The following NPHS2 variants were observed in gnomAD, a reference collection of about 807,000 sequenced individuals.
The protein encoded by NPHS2 is NPHS2 stomatin family member, podocin.
A neutral mutation model predicts 37.1 loss-of-function variants in NPHS2; 36 were observed. That is an observed-to-expected ratio of 0.97 (90% CI 0.74 to 1.28). The LOEUF is 1.28. Among genes scored for constraint, NPHS2 ranks in the 50% most tolerant of loss-of-function variants. NPHS2 has a pLI of 0.00. For missense variants in NPHS2, 447 were observed against 488.1 expected, an observed-to-expected ratio of 0.92 and a Z score of 0.79; for synonymous variants, 196 against 189.3, an observed-to-expected ratio of 1.04 and a Z score of -0.29.
At chr1:179,552,194 G>T in intron 7 of NPHS2, 1 of 244,496 alleles carries the variant, frequency 4.1e-6, no homozygotes, top group South Asian at 6.0e-5. Context: ...GAGGGAACTG[G>T]GCCCTGATCG....
chr1:179,550,736 C>A lies in NPHS2; in HGVS notation c.*437G>T, dbSNP rs78606873. Reference sequence around the variant, plus strand: ...CTTGGTAGTATCATTGGAGAGAAGACTGCATCTTTGGGACAGAAGAGCAAT... The same window carrying A: ...CTTGGTAGTATCATTGGAGAGAAGAATGCATCTTTGGGACAGAAGAGCAAT... On this transcript the variant is annotated 3_prime_UTR_variant, in exon 8 of 8. Coordinates refer to ENST00000367615, the MANE Select transcript of NPHS2 (RefSeq NM_014625.4). 3.4e-3 allele frequency: 756 copies of A among 219,812 alleles called. 6 individuals carry two copies. Among genetic ancestry groups the A allele is most frequent in the African/African-American group, 0.017 (730 of 44,120 alleles). The allele number at this position is 219,812 out of a possible 1,614,324, so 13.6% of individuals were successfully genotyped here.
chr1:179,566,213 A>T (rs1187388657), intron 1 of NPHS2, among the ~76,000 whole-genome samples: 1 of 152,262 alleles, frequency 6.6e-6, no homozygotes, highest in Non-Finnish European at 1.5e-5. Flanking sequence ...ATTTCTCCAC[A>T]TCCTCTCTAG....
chr1:179,563,136 C>G (rs375562715), intron 2 of NPHS2, among the ~76,000 whole-genome samples: 1 of 152,088 alleles, frequency 6.6e-6, no homozygotes, highest in Non-Finnish European at 1.5e-5. Flanking sequence ...AAAAGATATA[C>G]CATATGAACA....
chr1:179,551,133 A>G lies in NPHS2; in HGVS notation c.*40T>C, dbSNP rs764037878. ...TCTCCCTCAGGCATGTGACTTTTCTATGGCAGGCCCCTTTACAGTCACATT... is the reference window on the plus strand; with the variant it reads ...TCTCCCTCAGGCATGTGACTTTTCTGTGGCAGGCCCCTTTACAGTCACATT... On this transcript the variant is annotated 3_prime_UTR_variant, in exon 8 of 8. Coordinates refer to ENST00000367615, the MANE Select transcript of NPHS2 (RefSeq NM_014625.4). 7.4e-6 allele frequency: 12 copies of G among 1,612,480 alleles called. No individual in the cohort carries two copies. The highest frequency in any genetic ancestry group is 1.7e-5 in the Admixed American group (1 of 59,998).
chr1:179,563,890 C>A (rs918027455), intron 2 of NPHS2, among the ~76,000 whole-genome samples: 1 of 152,164 alleles, frequency 6.6e-6, no homozygotes, highest in African/African-American at 2.4e-5. Context: ...GCCCCAGCAG[C>A]AGGTGTACTG....
Position 179,557,146 on chromosome 1 carries a change from G to T in NPHS2, c.619C>A (p.Leu207Ile), listed in dbSNP as rs1303417449. 3 of 1,614,070 alleles carry T rather than the reference G, an allele frequency of 1.9e-6. No homozygotes were observed. Among genetic ancestry groups the T allele is most frequent in the Non-Finnish European group, 2.5e-6 (3 of 1,179,940 alleles). The change falls in exon 5 of 8, where the codon CTT (leucine) becomes ATT (isoleucine). Residue 207 changes from leucine (L) to isoleucine (I), a missense_variant. Leu to Ile is a conservative substitution (Grantham distance 5). Coordinates refer to ENST00000367615, the MANE Select transcript of NPHS2 (RefSeq NM_014625.4). ...TGCACAGCTTTAGATACATGAGCAA[G>T]ACTGCTTAGGAGAAGAGAGGCATTT... ...MENASLLLSS[L>I]AHVSKAVQFL...
chr1:179,564,668 T>G (rs776045413), intron 2 of NPHS2, 22 bp downstream of exon 2: 1 of 1,596,148 alleles, frequency 6.3e-7, no homozygotes, highest in South Asian at 1.1e-5. Flanking sequence ...AAATTACCTA[T>G]TGGGTCCTTA....
chr1:179,559,009 G>A (rs754551618), intron 4 of NPHS2, among the ~76,000 whole-genome samples: 4 of 151,098 alleles, frequency 2.6e-5, no homozygotes, highest in African/African-American at 4.8e-5. Flanking sequence ...ACACACACAC[G>A]TACACATATA....
intron 5 of NPHS2, chr1:179,554,867 C>T (rs759157396): frequency 2.8e-6 from 1 of 355,070 alleles, no homozygotes; most frequent in Non-Finnish European, 5.2e-6. Flanking sequence ...GGGATATTAT[C>T]CTGGATTATC....
chr1:179,575,557 G>A, intron 1 of NPHS2, 34 bp downstream of exon 1: 1 of 1,599,320 alleles, frequency 6.3e-7, no homozygotes, highest in Non-Finnish European at 8.5e-7. Flanking sequence ...GTTACCACCT[G>A]GAAAAGTAGC....
rs1372734403 is a variant in NPHS2, at chr1:179,554,642, G to A, written c.739-111C>T. On this transcript the variant is annotated intron_variant, in intron 5 of 7. Transcript: ENST00000367615. ...TAAGGAACAACATTCCCTTTGAAAG[G>A]ACATTATTTGCCTGTTGTATTTAAC... 5 of 1,448,776 alleles carry A rather than the reference G, an allele frequency of 3.5e-6. No homozygotes were observed. In the African/African-American group the frequency reaches 5.6e-5, roughly 16 times the overall value. The allele number at this position is 1,448,776 out of a possible 1,614,324, so 89.7% of individuals were successfully genotyped here. A position where few individuals can be genotyped will look rare whatever the true frequency, so the allele number is the denominator to read the frequency against.
At chr1:179,561,410 T>G (rs542157940) in intron 2 of NPHS2, 49 bp from the exon 3 acceptor site, 2 of 1,408,080 alleles carry the variant, frequency 1.4e-6, no homozygotes, top group African/African-American at 2.8e-5. Flanking sequence ...AGAAAAAGTC[T>G]TCAAAAGGCC....
Position 179,559,683 on chromosome 1 carries a change from T to A in NPHS2, c.530A>T (p.His177Leu). 1 of 1,581,328 alleles carries A rather than the reference T, an allele frequency of 6.3e-7. No individual in the cohort carries two copies. The highest frequency in any genetic ancestry group is 8.6e-7 in the Non-Finnish European group (1 of 1,159,512). Residue 177 changes from histidine to leucine, a missense_variant, in exon 4 of 8, where the codon CAT becomes CTT. Coordinates refer to ENST00000367615, the MANE Select transcript of NPHS2 (RefSeq NM_014625.4). ...AAAAGCCATCATTTGGCTTACCTCA[T>A]GAAAAGGTATCTCCAGAGTTTGGAG... ...LRLQTLEIPF[H>L]EIVTKDMFIM...
At chr1:179,560,413 T>A (rs12097745) in intron 3 of NPHS2, among the ~76,000 whole-genome samples, 1,604 of 152,248 alleles carry the variant, frequency 0.011, 32 homozygotes, top group African/African-American at 0.036. Flanking sequence ...AAGCAGCACC[T>A]CACAGAGTCC....
chr1:179,551,791 G>T (rs1043654210), intron 7 of NPHS2: 2 of 303,840 alleles, frequency 6.6e-6, no homozygotes, highest in Non-Finnish European at 1.2e-5. Context: ...GTTATGAAAG[G>T]GTGACCCCCA....
chr1:179,565,522 C>T (rs144699788), intron 1 of NPHS2, among the ~76,000 whole-genome samples: 3 of 152,250 alleles, frequency 2.0e-5, no homozygotes, highest in African/African-American at 7.2e-5. Context: ...ATAACACATA[C>T]ACATAAAAAG....
At chr1:179,564,627 G>A in intron 2 of NPHS2, 63 bp downstream of exon 2, 1 of 1,309,036 alleles carries the variant, frequency 7.6e-7, no homozygotes, top group Non-Finnish European at 1.1e-6. Context: ...AAGTGAGAAT[G>A]GGCATGGTGT....
At position 179,561,389 on chromosome 1, in the gene NPHS2, C is replaced by T. The variant is rs749460704; in HGVS notation, c.379-28G>A. On this transcript the variant is annotated intron_variant, in intron 2 of 7. Transcript: ENST00000367615. ...AAAGAGAAATTTAATCCTTTCAAAT[C>T]ACTCCCAGAAAGAAAAAGTCTTCAA... The T allele has an allele frequency of 3.3e-6, 5 of 1,530,878 alleles. No homozygotes were observed. In the South Asian group the frequency reaches 4.5e-5, roughly 14 times the overall value. The allele number at this position is 1,530,878 out of a possible 1,614,324, so 94.8% of individuals were successfully genotyped here. A position where few individuals can be genotyped will look rare whatever the true frequency, so the allele number is the denominator to read the frequency against.
chr1:179,558,179 T>C (rs1323248645), intron 4 of NPHS2, among the ~76,000 whole-genome samples: 1 of 152,144 alleles, frequency 6.6e-6, no homozygotes, highest in Non-Finnish European at 1.5e-5. Flanking sequence ...TCCATCTCCA[T>C]AACTCTTTCA....
Sources: gnomAD v4.1 joint callset for allele counts (sites outside exome capture counted in the v4.1 genomes callset) on GRCh38, gnomAD v4.1.1 for gene constraint, MANE v1.5 for transcripts, NCBI Gene and HGNC (gene_info 2026-07-23, HGNC 2026-07-21) for gene names.